ADGRD2: variants seen among roughly 807,000 people sequenced by gnomAD.
ADGRD2 encodes the protein adhesion G protein-coupled receptor D2.
In ADGRD2, 71 loss-of-function variants were observed where a neutral mutation model predicts 44.4. The observed-to-expected ratio is 1.60, with a 90% CI of 1.32 to 1.95. The LOEUF is 1.95. ADGRD2 is among the 30% of genes most tolerant of loss of function. ADGRD2 has a pLI of 0.00. For synonymous variants in ADGRD2, 481 were observed against 224.8 expected (o/e 2.14, Z -10.19); for missense variants, 1,039 against 512.4 (o/e 2.03, Z -9.92).
chr9:124,457,424 G>C lies in ADGRD2; in HGVS notation c.1506-48G>C. On this transcript the variant is annotated intron_variant, in intron 7 of 21. Transcript: ENST00000334810. ...CCCTGCTAGCTGGGCCTGCTCAGCA[G>C]AAAGACCTCACTCCGAGGTCCAGCC... The C allele has an allele frequency of 1.1e-5, 6 of 545,906 alleles. No homozygotes were observed. In the Admixed American group the frequency reaches 1.2e-4, roughly 11 times the overall value. The allele number at this position is 545,906 out of a possible 1,614,324, so 33.8% of individuals were successfully genotyped here. A position where few individuals can be genotyped will look rare whatever the true frequency, so the allele number is the denominator to read the frequency against.
intron 17 of ADGRD2, among the ~76,000 whole-genome samples, chr9:124,472,385 T>C (rs1175861576): frequency 6.6e-6 from 1 of 152,218 alleles, no homozygotes; most frequent in Non-Finnish European, 1.5e-5. Context: ...CCTGGGCATG[T>C]CTTCATGTTT....
exon 3 of ADGRD2, chr9:124,453,133 T>C: frequency 2.8e-6 from 2 of 701,812 alleles, no homozygotes; most frequent in South Asian, 1.5e-5. Flanking sequence ...GCTGACCGCG[T>C]GTACTCACGT....
chr9:124,459,412 T>A (rs1346558356), intron 10 of ADGRD2, among the ~76,000 whole-genome samples: 1 of 151,898 alleles, frequency 6.6e-6, no homozygotes, highest in Non-Finnish European at 1.5e-5. Flanking sequence ...GAGAACCGCC[T>A]GAACCCAGGA....
chr9:124,452,171 C>A lies in ADGRD2; in HGVS notation c.68+13C>A, dbSNP rs75828435. ...GGGCCCCAGGTTGGTATGAGGGATCCCCCCAGGGAGGGTCCCAGTCCCCCA... is the reference window on the plus strand; with the variant it reads ...GGGCCCCAGGTTGGTATGAGGGATCACCCCAGGGAGGGTCCCAGTCCCCCA... On this transcript the variant is annotated intron_variant, in intron 1 of 21. Transcript: ENST00000334810. 2.5e-5 allele frequency: 18 copies of A among 710,792 alleles called. No homozygotes were observed. Among genetic ancestry groups the A allele is most frequent in the African/African-American group, 2.5e-4 (14 of 57,040 alleles). 44.0% of individuals were successfully genotyped at this position (710,792 alleles called of 1,614,324 possible).
At chr9:124,476,168 C>T (rs913310832) in intron 19 of ADGRD2, among the ~76,000 whole-genome samples, 189 bp from the exon 23 acceptor site, 40 of 152,180 alleles carry the variant, frequency 2.6e-4, no homozygotes, top group African/African-American at 8.9e-4. Flanking sequence ...CCAATCCTAG[C>T]TCCCAGCCAC....
exon 3 of ADGRD2, chr9:124,453,505 G>C (rs758045979): frequency 7.1e-6 from 5 of 701,202 alleles, no homozygotes; most frequent in Non-Finnish European, 1.3e-5. Context: ...CGCCCTCAGC[G>C]GCAACCTCAC....
chr9:124,453,545 G>T (rs1440272109), exon 3 of ADGRD2: 2 of 697,466 alleles, frequency 2.9e-6, no homozygotes, highest in East Asian at 2.7e-5. Flanking sequence ...CGGGCGCTGA[G>T]CCCCGCTCAG....
At chr9:124,466,394 T>A (rs1355576450) in exon 11 of ADGRD2, 1 of 716,234 alleles carries the variant, frequency 1.4e-6, no homozygotes, top group South Asian at 1.5e-5. Context: ...GCCATCCTGC[T>A]GCAAATCTAT....
chr9:124,477,359 C>T (rs933578196), intron 21 of ADGRD2, among the ~76,000 whole-genome samples: 1 of 152,246 alleles, frequency 6.6e-6, no homozygotes, highest in Admixed American at 6.5e-5. Flanking sequence ...CTGAAACCCA[C>T]ACGCCTCAGC....
chr9:124,453,924 C>T (rs1029151536), intron 3 of ADGRD2, 75 bp from the exon 7 acceptor site: 12 of 604,948 alleles, frequency 2.0e-5, no homozygotes, highest in Non-Finnish European at 3.3e-5. Flanking sequence ...CACATTGCCA[C>T]CTAACCCCGG....
intron 10 of ADGRD2, among the ~76,000 whole-genome samples, chr9:124,461,310 T>C (rs6478665): frequency 0.6 from 90,898 of 152,036 alleles, 27,345 homozygotes; most frequent in Middle Eastern, 0.7. Flanking sequence ...GTCCAATTTA[T>C]CAATTTTTGT....
At chr9:124,460,085 GACACACAC>G (rs3983851) in intron 10 of ADGRD2, among the ~76,000 whole-genome samples, 33 of 150,110 alleles carry the variant, frequency 2.2e-4, no homozygotes, top group African/African-American at 6.1e-4. Context: ...AGTAATCTTG[GACACACAC>G]ACACACACAC....
exon 3 of ADGRD2, chr9:124,453,600 C>T (rs1428713141): frequency 2.9e-6 from 2 of 701,026 alleles, no homozygotes; most frequent in South Asian, 1.5e-5. Context: ...AGGGCCTGCT[C>T]TTCCGCTGGG....
At chr9:124,472,195 G>A (rs185057553) in intron 17 of ADGRD2, among the ~76,000 whole-genome samples, 7 of 151,790 alleles carry the variant, frequency 4.6e-5, no homozygotes, top group Non-Finnish European at 7.4e-5. Context: ...TGCCACCGTC[G>A]CACCGTCTCA....
At chr9:124,469,661 GTGTGGCTATGCCCAAGTC>G in intron 16 of ADGRD2, 114 bp downstream of exon 19, 4 of 660,272 alleles carry the variant, frequency 6.1e-6, no homozygotes, top group Non-Finnish European at 1.1e-5. Context: ...GAGCGTGACC[GTGTGGCTATGCCCAAGTC>G]TGTATTGAGT....
chr9:124,453,296 C>T (rs1417853195), exon 3 of ADGRD2: 8 of 487,108 alleles, frequency 1.6e-5, no homozygotes, highest in Non-Finnish European at 2.5e-5. Flanking sequence ...CCCTTCCTCG[C>T]AGCCTTCCGC....
At chr9:124,477,091 C>T (rs780552400) in intron 21 of ADGRD2, 14 of 511,902 alleles carry the variant, frequency 2.7e-5, no homozygotes, top group South Asian at 2.0e-4. Context: ...CTCTGAAGGC[C>T]CCGGCCTGAT....
At position 124,468,908 on chromosome 9, in the gene ADGRD2, C is replaced by G. The variant is rs553175565; in HGVS notation, c.2387+236C>G. 7.7e-4 allele frequency among the ~76,000 whole-genome samples: 117 copies of G among 152,332 alleles called. 1 individual carries two copies. In the South Asian group the frequency reaches 0.024, roughly 31 times the overall value. On this transcript the variant is annotated intron_variant, in intron 14 of 21. Transcript: ENST00000334810. The stretch of plus-strand genomic sequence containing the variant: ...CATCCCCATTCCTCATAATCCTTCT[C>G]CACTTTACAGCCTCCCCTCTCCATC...
intron 10 of ADGRD2, among the ~76,000 whole-genome samples, chr9:124,462,553 T>G (rs975482010): frequency 2.0e-5 from 3 of 152,234 alleles, no homozygotes; most frequent in African/African-American, 7.2e-5. Context: ...GCTTTCCATT[T>G]ATTTAGGGTT....
Sources: gnomAD v4.1 joint callset for allele counts (sites outside exome capture counted in the v4.1 genomes callset) on GRCh38, gnomAD v4.1.1 for gene constraint, MANE v1.5 for transcripts, NCBI Gene and HGNC (gene_info 2026-07-23, HGNC 2026-07-21) for gene names.